The following RAG1 variants were observed in gnomAD, a reference collection of about 807,000 sequenced individuals.
RAG1 encodes the protein recombination activating 1, also known as V(D)J recombination-activating protein 1.
Under a neutral mutation model 62.7 loss-of-function variants are expected in RAG1, and 35 were observed. The observed-to-expected ratio is 0.56, with a 90% CI of 0.43 to 0.74. The LOEUF is 0.74. Ranked by LOEUF, RAG1 falls within the 30% of genes least tolerant of loss-of-function variation. The pLI is 0.00. For missense variants in RAG1, 1,169 were observed against 1,278.6 expected, an observed-to-expected ratio of 0.91 and a Z score of 1.31; for synonymous variants, 461 against 470.3, an observed-to-expected ratio of 0.98 and a Z score of 0.26.
upstream of RAG1, chr11:36,510,678 G>A (rs868021213): frequency 1.3e-5 from 2 of 152,298 alleles, no homozygotes; most frequent in Admixed American, 6.5e-5. Flanking sequence ...CCTTGCCCAG[G>A]AAGTTTCTGC....
At chr11:36,519,960 G>A (rs754511833) in intron 1 of RAG1, among the ~76,000 whole-genome samples, 12 of 152,190 alleles carry the variant, frequency 7.9e-5, no homozygotes, top group South Asian at 4.2e-4. Context: ...AATAGCCACC[G>A]TGATTGGAAT....
At chr11:36,535,930 T>C (rs1462948280) in intron 2 of RAG1, 2 of 152,202 alleles carry the variant, frequency 1.3e-5, no homozygotes, top group Non-Finnish European at 2.9e-5. Flanking sequence ...TTGTGGATTA[T>C]GTATAATTTA....
chr11:36,518,448 T>G (rs931962980), intron 1 of RAG1, among the ~76,000 whole-genome samples: 16 of 152,304 alleles, frequency 1.1e-4, no homozygotes, highest in African/African-American at 3.6e-4. Context: ...CTAGTTTACA[T>G]TCCCACCAAC....
downstream of RAG1, among the ~76,000 whole-genome samples, chr11:36,537,307 A>G (rs1282198465): frequency 2.0e-5 from 3 of 152,180 alleles, no homozygotes; most frequent in African/African-American, 7.2e-5. Context: ...ACACAAAAGC[A>G]AAACAAAACA....
chr11:36,535,382 T>A (rs995850825), intron 2 of RAG1, among the ~76,000 whole-genome samples: 4 of 152,170 alleles, frequency 2.6e-5, no homozygotes, highest in Admixed American at 6.5e-5. Flanking sequence ...TCAGCATTTT[T>A]AAAAAATAGG....
intron 2 of RAG1, among the ~76,000 whole-genome samples, chr11:36,526,435 A>T (rs562018577): frequency 9.7e-4 from 148 of 152,254 alleles, no homozygotes; most frequent in African/African-American, 3.4e-3. Context: ...ATGGCTGCAT[A>T]GTATTCCATG....
intron 2 of RAG1, among the ~76,000 whole-genome samples, chr11:36,529,066 T>C (rs988960138): frequency 8.5e-5 from 13 of 152,054 alleles, no homozygotes; most frequent in Admixed American, 8.5e-4. Context: ...CAGAGGTACA[T>C]AGAGGAGCTG....
chr11:36,514,055 G>A lies in RAG1; in HGVS notation n.330+3017G>A, dbSNP rs569340978. On this transcript the variant is annotated intron_variant and non_coding_transcript_variant, in intron 1 of 2. Transcript: ENST00000529126. ...CTCTCTTATTTGCTATGAGGGAAAA[G>A]CCCTGCCCTGTCCTGAGGACACCCA... Among the ~76,000 whole-genome samples, 31 of 152,280 alleles carry A rather than the reference G, an allele frequency of 2.0e-4. 1 individual carries two copies. In the South Asian group the frequency reaches 6.2e-3, roughly 31 times the overall value.
rs755158171 is a variant in RAG1 at position 36,573,562 on chromosome 11, G to A, written c.258G>A (p.Lys86=). 25 of 1,613,948 alleles carry A rather than the reference G, an allele frequency of 1.5e-5. No homozygotes were observed. The highest frequency in any genetic ancestry group is 2.0e-5 in the Non-Finnish European group (24 of 1,180,006). The change falls in exon 2 of 2, where the codon AAG becomes AAA. Residue 86 remains lysine (K), a synonymous_variant. Coordinates refer to ENST00000299440, the MANE Select transcript of RAG1 (RefSeq NM_000448.3). ...PTQPLLKAHP[K]FSKKFHDNEK... ...AGCCATTGTTAAAAGCCCACCCTAA[G>A]TTTTCAAAGAAATTTCACGACAACG...
In RAG1 at chr11:36,574,317, C is replaced by T; in HGVS notation, c.1013C>T (p.Thr338Ile). The T allele has an allele frequency of 6.2e-7, 1 of 1,614,244 alleles. No homozygotes were observed. Among genetic ancestry groups the T allele is most frequent in the Non-Finnish European group, 8.5e-7 (1 of 1,180,048 alleles). ...CPSCRYPCFP[T>I]DLESPVKSFL... is the part of the protein sequence containing the mutation. ...TCTTGCCGATATCCATGCTTCCCTA[C>T]TGACCTGGAGAGTCCAGTGAAGTCC... The change falls in exon 2 of 2, where the codon ACT becomes ATT. Residue 338 changes from threonine (T) to isoleucine (I), a missense_variant. Thr to Ile is a moderately conservative substitution (Grantham distance 89). Around this residue, in one of 2 missense-constraint regions of RAG1, gnomAD observed 800 missense variants for 943.3 expected, o/e 0.85. Transcript: ENST00000299440.
chr11:36,558,379 C>T (rs2083049890), intron 3 of RAG1, among the ~76,000 whole-genome samples: 1 of 152,126 alleles, frequency 6.6e-6, no homozygotes. Flanking sequence ...GCTGGTGTTT[C>T]CACCTATTAC....
intron 2 of RAG1, among the ~76,000 whole-genome samples, chr11:36,524,205 G>T (rs1225570169): frequency 6.6e-6 from 1 of 151,970 alleles, no homozygotes; most frequent in African/African-American, 2.4e-5. Context: ...TTTGGAGGAG[G>T]GGGGAGGGAT....
chr11:36,512,721 C>T (rs1007924080), intron 1 of RAG1, among the ~76,000 whole-genome samples: 1 of 152,150 alleles, frequency 6.6e-6, no homozygotes, highest in Non-Finnish European at 1.5e-5. Context: ...TATATAGCAA[C>T]CACAATGATC....
At chr11:36,558,429 C>T (rs1288623105) in intron 3 of RAG1, among the ~76,000 whole-genome samples, 1 of 152,182 alleles carries the variant, frequency 6.6e-6, no homozygotes, top group Non-Finnish European at 1.5e-5. Flanking sequence ...CTAATACTTG[C>T]TTTACATATC....
chr11:36,538,877 G>T (rs1427665247), downstream of RAG1, among the ~76,000 whole-genome samples: 1 of 152,148 alleles, frequency 6.6e-6, no homozygotes, highest in Non-Finnish European at 1.5e-5. Flanking sequence ...CTCCAAGCTG[G>T]AACCTGTCCA....
At chr11:36,510,717 C>T (rs534979341) in exon 1 of RAG1, 1 of 152,366 alleles carries the variant, frequency 6.6e-6, no homozygotes, top group Admixed American at 6.5e-5. Flanking sequence ...TTATTACCTG[C>T]TCTTCCCCTT....
intron 3 of RAG1, among the ~76,000 whole-genome samples, chr11:36,544,939 C>T (rs1438452776): frequency 1.3e-5 from 2 of 152,166 alleles, no homozygotes; most frequent in Non-Finnish European, 2.9e-5. Flanking sequence ...CCTCTTCAGC[C>T]GTGTGGAACT....
chr11:36,546,028 G>A (rs543969439), intron 3 of RAG1, among the ~76,000 whole-genome samples: 75 of 152,298 alleles, frequency 4.9e-4, no homozygotes, highest in African/African-American at 1.7e-3. Flanking sequence ...GTCAATTTTA[G>A]AATAGGTGCT....
At chr11:36,529,102 A>C (rs915753689) in intron 2 of RAG1, among the ~76,000 whole-genome samples, 5 of 152,174 alleles carry the variant, frequency 3.3e-5, no homozygotes, top group Non-Finnish European at 7.4e-5. Flanking sequence ...AAACTATTCC[A>C]ATCAATAGAA....
Sources: allele counts gnomAD v4.1 joint callset (sites outside exome capture counted in the v4.1 genomes callset), GRCh38; gene constraint gnomAD v4.1.1; regional missense constraint gnomAD v4.1.1; transcripts MANE v1.5; gene names NCBI Gene and HGNC (gene_info 2026-07-23, HGNC 2026-07-21).